Variants in UGT1A8 observed in about 807,000 individuals in gnomAD.
The protein encoded by UGT1A8 is UDP glucuronosyltransferase family 1 member A8.
In UGT1A8, 39 loss-of-function variants were observed where a neutral mutation model predicts 45.3. The ratio of observed to expected loss-of-function variants is 0.86; its 90% CI spans 0.67 to 1.12. The LOEUF is 1.12. Among genes scored for constraint, UGT1A8 ranks in the 50% most tolerant of loss-of-function variants. The pLI is 0.00. For synonymous variants in UGT1A8, 275 were observed against 249.2 expected (o/e 1.10, Z -0.97); for missense variants, 719 against 664.9 (o/e 1.08, Z -0.90).
At chr2:233,766,486 C>T (rs562758025) in intron 1 of UGT1A8, among the ~76,000 whole-genome samples, 29 of 152,240 alleles carry the variant, frequency 1.9e-4, no homozygotes, top group African/African-American at 6.5e-4. Flanking sequence ...ATGATGGGGG[C>T]GTGGCAGGCC....
intron 1 of UGT1A8, chr2:233,755,445 C>T (rs953551785): frequency 7.1e-5 from 22 of 311,136 alleles, no homozygotes; most frequent in South Asian, 1.2e-4. Flanking sequence ...ATGCAGTGCT[C>T]CTGGGACTGG....
intron 1 of UGT1A8, among the ~76,000 whole-genome samples, chr2:233,662,405 G>C (rs2073991938): frequency 6.6e-6 from 1 of 152,008 alleles, no homozygotes; most frequent in African/African-American, 2.4e-5. Flanking sequence ...CAACAAATCT[G>C]CCCATAAATG....
intron 1 of UGT1A8, among the ~76,000 whole-genome samples, chr2:233,762,329 A>G (rs1333390558): frequency 6.6e-6 from 1 of 152,248 alleles, no homozygotes; most frequent in Non-Finnish European, 1.5e-5. Flanking sequence ...GTAATCCACA[A>G]TAGCTCTTTT....
chr2:233,724,303 C>T (rs1272665278), intron 1 of UGT1A8, among the ~76,000 whole-genome samples: 6 of 139,774 alleles, frequency 4.3e-5, no homozygotes, highest in South Asian at 2.5e-4. Flanking sequence ...CCCCCCACCT[C>T]CCTCCCGGAC....
chr2:233,748,199 G>T (rs1164871167), intron 1 of UGT1A8: 1 of 1,533,212 alleles, frequency 6.5e-7, no homozygotes. Context: ...TCTGCTTGTC[G>T]TAATAGCCTT....
At chr2:233,751,176 G>A (rs1694660149) in intron 1 of UGT1A8, among the ~76,000 whole-genome samples, 1 of 151,990 alleles carries the variant, frequency 6.6e-6, no homozygotes, top group Non-Finnish European at 1.5e-5. Flanking sequence ...CTAGATATGA[G>A]ACATGAAGTT....
rs145239529 is a variant in UGT1A8, at chr2:233,769,464, CGT to C, written c.1295+1039_1295+1040del. ...GGGTGCACACGTGTGCATTCATATGCGTGTGTGTGTGTGTGCGTGTGTTTATG... is the reference window on the plus strand; with the variant it reads ...GGGTGCACACGTGTGCATTCATATGCGTGTGTGTGTGTGCGTGTGTTTATG... On this transcript the variant is annotated intron_variant, in intron 4 of 4. Transcript: ENST00000373450. The surrounding 1 kb of genome is among the most constrained non-coding windows in gnomAD (Gnocchi z 4.4). 2,957 of 1,414,482 alleles carry C rather than the reference CGT, an allele frequency of 2.1e-3. No individual in the cohort carries two copies. Among genetic ancestry groups the C allele is most frequent in the Admixed American group, 4.4e-3 (235 of 53,304 alleles). The allele number at this position is 1,414,482 out of a possible 1,614,324, so 87.6% of individuals were successfully genotyped here. A position where few individuals can be genotyped will look rare whatever the true frequency, so the allele number is the denominator to read the frequency against.
intron 1 of UGT1A8, among the ~76,000 whole-genome samples, chr2:233,641,822 G>A (rs1338122958): frequency 6.6e-6 from 1 of 151,950 alleles, no homozygotes; most frequent in Non-Finnish European, 1.5e-5. Flanking sequence ...CTTTAAATAT[G>A]TCATGCCACT....
intron 1 of UGT1A8, among the ~76,000 whole-genome samples, chr2:233,650,172 G>A (rs1369007735): frequency 6.6e-6 from 1 of 152,104 alleles, no homozygotes; most frequent in African/African-American, 2.4e-5. Context: ...GTTTCTCCAT[G>A]TTGGTCAGGC....
At chr2:233,760,305 G>A (rs745957787) in intron 1 of UGT1A8, 6 of 1,613,702 alleles carry the variant, frequency 3.7e-6, no homozygotes, top group Non-Finnish European at 5.1e-6. Flanking sequence ...TGGAGTCCCA[G>A]GGCGGACGCC....
intron 1 of UGT1A8, among the ~76,000 whole-genome samples, chr2:233,757,535 A>AATATATATACATAT (rs376887521): frequency 1.4e-4 from 12 of 88,292 alleles, no homozygotes; most frequent in Admixed American, 3.3e-4. Context: ...GCCTGTAAGG[A>AATATATATACATAT]ATATATATAT....
At chr2:233,694,209 T>C (rs2075205293) in intron 1 of UGT1A8, among the ~76,000 whole-genome samples, 1 of 152,148 alleles carries the variant, frequency 6.6e-6, no homozygotes. Flanking sequence ...AAAATCCATT[T>C]TCCCAACTCT....
intron 1 of UGT1A8, among the ~76,000 whole-genome samples, chr2:233,631,117 T>C (rs182489567): frequency 6.6e-6 from 1 of 152,244 alleles, no homozygotes; most frequent in East Asian, 1.9e-4. Context: ...TGTGTTAGTT[T>C]GCTAAGAATG....
chr2:233,772,622 C>G lies in UGT1A8; in HGVS notation c.*63C>G. ...CCCTAGTCATTTCCAAACTTGAAAA[C>G]AGAATCAGTGTTAAATTCATTTTAT... On this transcript the variant is annotated 3_prime_UTR_variant, in exon 5 of 5. Transcript: ENST00000373450. 2.6e-6 allele frequency: 4 copies of G among 1,567,434 alleles called. No individual in the cohort carries two copies. The highest frequency in any genetic ancestry group is 3.5e-6 in the Non-Finnish European group (4 of 1,155,382).
In UGT1A8 at chr2:233,645,154, G is replaced by A. The variant is rs527875610; in HGVS notation, c.855+26592G>A. ...CTTCAGGGACAAAGCATCGATGAAAGCAATCCAGAAAAATTGTTCTTGTTG... is the reference window on the plus strand; with the variant it reads ...CTTCAGGGACAAAGCATCGATGAAAACAATCCAGAAAAATTGTTCTTGTTG... On this transcript the variant is annotated intron_variant, in intron 1 of 4. Coordinates refer to ENST00000373450, the MANE Select transcript of UGT1A8 (RefSeq NM_019076.5). Among the ~76,000 whole-genome samples the A allele has an allele frequency of 3.6e-3, 545 of 152,278 alleles. 1 individual carries two copies. The highest frequency in any genetic ancestry group is 6.8e-3 in the Non-Finnish European group (461 of 68,026).
chr2:233,738,711 A>G (rs1264212613), intron 1 of UGT1A8, among the ~76,000 whole-genome samples: 1 of 152,268 alleles, frequency 6.6e-6, no homozygotes, highest in Non-Finnish European at 1.5e-5. Context: ...GAAGCAGAGC[A>G]TAAAAGTTTG....
At chr2:233,657,053 C>T (rs1333352415) in intron 1 of UGT1A8, among the ~76,000 whole-genome samples, 2 of 152,120 alleles carry the variant, frequency 1.3e-5, no homozygotes, top group African/African-American at 2.4e-5. Context: ...TGCTTCCCCT[C>T]ACCAGCTTCT....
At chr2:233,743,956 G>C in intron 1 of UGT1A8, 2 of 1,338,248 alleles carry the variant, frequency 1.5e-6, no homozygotes, top group Non-Finnish European at 2.0e-6. Flanking sequence ...CTGGCACAGC[G>C]AGCGGCAAGG....
chr2:233,722,521 T>G, intron 1 of UGT1A8, among the ~76,000 whole-genome samples: 1 of 152,232 alleles, frequency 6.6e-6, no homozygotes, highest in East Asian at 1.9e-4. Context: ...AGCTTATTTT[T>G]GCCTTAATGA....
Sources: allele counts gnomAD v4.1 joint callset (sites outside exome capture counted in the v4.1 genomes callset), GRCh38; gene constraint gnomAD v4.1.1; non-coding constraint Gnocchi (gnomAD v3.1); transcripts MANE v1.5; gene names NCBI Gene and HGNC (gene_info 2026-07-23, HGNC 2026-07-21).